PRH1: variants seen among roughly 807,000 people sequenced by gnomAD.
PRH1 encodes the protein proline rich protein HaeIII subfamily 1, also known as salivary acidic proline-rich phosphoprotein 1/2.
In PRH1, 7 loss-of-function variants were observed where a neutral mutation model predicts 7.9. The observed-to-expected ratio is 0.89, with a 90% CI of 0.50 to 1.67. The LOEUF (loss-of-function observed/expected upper bound fraction) is 1.67. Ranked by LOEUF, PRH1 falls within the 40% of genes most tolerant of loss-of-function variation. PRH1 has a pLI of 0.00. For missense variants in PRH1, 109 were observed against 223.6 expected (o/e 0.49, Z 3.27); for synonymous variants, 45 against 80.8 (o/e 0.56, Z 2.38).
At chr12:11,168,134 A>G (rs1239725457) in intron 1 of PRH1, among the ~76,000 whole-genome samples, 3 of 151,222 alleles carry the variant, frequency 2.0e-5, no homozygotes, top group Admixed American at 6.6e-5. Flanking sequence ...TTTAGCTCTG[A>G]GTATGTTCTG....
intron 2 of PRH1, among the ~76,000 whole-genome samples, chr12:10,920,754 A>G (rs1275816181): frequency 6.6e-6 from 1 of 152,100 alleles, no homozygotes; most frequent in Non-Finnish European, 1.5e-5. Context: ...GTCAAAGTGT[A>G]TTAGTTAAAT....
chr12:11,042,113 A>G (rs1026684573), intron 1 of PRH1, among the ~76,000 whole-genome samples: 1 of 152,120 alleles, frequency 6.6e-6, no homozygotes. Context: ...TAGAACACAA[A>G]TAATAAAAAT....
At chr12:11,047,342 T>C (rs939097513), upstream of PRH1, among the ~76,000 whole-genome samples, 2 of 152,124 alleles carry the variant, frequency 1.3e-5, no homozygotes, top group African/African-American at 4.8e-5. Context: ...TTTCATTCAA[T>C]TGTGATCCAT....
chr12:11,115,706 C>A (rs1945712929), intron 1 of PRH1, among the ~76,000 whole-genome samples: 1 of 151,974 alleles, frequency 6.6e-6, no homozygotes, highest in Non-Finnish European at 1.5e-5. Flanking sequence ...CAACTCTGAC[C>A]ACAATGGAAT....
intron 1 of PRH1, among the ~76,000 whole-genome samples, chr12:10,985,008 A>G (rs567983586): frequency 2.0e-4 from 30 of 152,046 alleles, no homozygotes; most frequent in Non-Finnish European, 3.7e-4. Flanking sequence ...TGTGAAGTTT[A>G]AAAAGAATTT....
intron 1 of PRH1, among the ~76,000 whole-genome samples, chr12:11,101,863 A>C (rs988509908): frequency 6.6e-6 from 1 of 152,194 alleles, no homozygotes; most frequent in East Asian, 1.9e-4. Flanking sequence ...ATACAAAATC[A>C]ATGTGCAAAA....
chr12:10,882,339 C>T lies in PRH1; in HGVS notation c.460G>A (p.Gly154Ser). 4.4e-6 allele frequency: 7 copies of T among 1,608,316 alleles called. No individual in the cohort carries two copies. Among genetic ancestry groups the T allele is most frequent in the South Asian group, 3.3e-5 (3 of 90,598 alleles). ...GRPQGPPQQGGHQQGPPPPPP... is the reference protein window; with the variant it reads ...GRPQGPPQQGSHQQGPPPPPP... ...GGTGGGGGAGGACCTTGCTGATGGC[C>T]TCCCTGTTGGGGTGGTCCTTGTGGC... The change falls in exon 3 of 4, where the codon GGC becomes AGC. Residue 154 changes from glycine to serine, a missense_variant. Gly to Ser is a moderately conservative substitution (Grantham distance 56, BLOSUM62 0). Transcript: ENST00000543626.
At chr12:11,014,104 G>A (rs758978428) in intron 1 of PRH1, among the ~76,000 whole-genome samples, 9 of 152,136 alleles carry the variant, frequency 5.9e-5, no homozygotes, top group Non-Finnish European at 1.2e-4. Context: ...GCCAACATGC[G>A]TGAATAAATA....
intron 1 of PRH1, among the ~76,000 whole-genome samples, chr12:11,038,008 C>T (rs1460740382): frequency 4.6e-5 from 7 of 152,190 alleles, no homozygotes; most frequent in African/African-American, 7.2e-5. Flanking sequence ...CGCTTGTGCA[C>T]TCCAGCCTGG....
intron 2 of PRH1, among the ~76,000 whole-genome samples, chr12:10,898,634 A>G (rs192099392): frequency 9.0e-4 from 137 of 152,306 alleles, no homozygotes; most frequent in Middle Eastern, 3.4e-3. Context: ...ATACAGATAT[A>G]AAATATAGTT....
intron 1 of PRH1, among the ~76,000 whole-genome samples, chr12:11,098,270 T>G (rs1007989955): frequency 1.3e-5 from 2 of 150,996 alleles, no homozygotes; most frequent in Non-Finnish European, 1.5e-5. Flanking sequence ...GTAAATCTGC[T>G]GGGTCATTCT....
intron 1 of PRH1, among the ~76,000 whole-genome samples, chr12:11,123,744 T>C (rs1174742429): frequency 1.4e-5 from 2 of 142,830 alleles, no homozygotes; most frequent in South Asian, 2.3e-4. Context: ...GCTTCATTCT[T>C]TGTAGCTATC....
At chr12:11,170,201 G>A (rs1012308060) in intron 1 of PRH1, among the ~76,000 whole-genome samples, 2 of 152,194 alleles carry the variant, frequency 1.3e-5, no homozygotes, top group Non-Finnish European at 2.9e-5. Context: ...AATAACAAAA[G>A]TATTGTGGCT....
chr12:11,114,757 CAG>C (rs1945684553), intron 1 of PRH1, among the ~76,000 whole-genome samples: 1 of 152,076 alleles, frequency 6.6e-6, no homozygotes, highest in Admixed American at 6.6e-5. Flanking sequence ...AGTTAAGGTG[CAG>C]AGTCTTCATT....
At chr12:11,028,577 T>C (rs2136092259) in intron 1 of PRH1, among the ~76,000 whole-genome samples, 1 of 152,378 alleles carries the variant, frequency 6.6e-6, no homozygotes, top group Middle Eastern at 3.4e-3. Flanking sequence ...GTAAAGTAGC[T>C]GGTTACTAAC....
At chr12:11,040,839 CTTGT>C (rs1194041345) in intron 1 of PRH1, among the ~76,000 whole-genome samples, 4 of 152,204 alleles carry the variant, frequency 2.6e-5, no homozygotes, top group Non-Finnish European at 5.9e-5. Flanking sequence ...TGTTTTTGTG[CTTGT>C]TTGTTTGCTT....
intron 1 of PRH1, among the ~76,000 whole-genome samples, chr12:11,160,812 T>C (rs530978665): frequency 6.6e-6 from 1 of 152,266 alleles, no homozygotes; most frequent in East Asian, 1.9e-4. Context: ...AGAAAAGAAC[T>C]AATATTCAAG....
intron 1 of PRH1, among the ~76,000 whole-genome samples, chr12:11,159,893 C>T (rs1296199219): frequency 6.6e-6 from 1 of 152,098 alleles, no homozygotes; most frequent in African/African-American, 2.4e-5. Context: ...CGGTACTAAA[C>T]CAAATTGTTA....
At chr12:11,167,083 T>G (rs1455204146) in intron 1 of PRH1, among the ~76,000 whole-genome samples, 1 of 152,256 alleles carries the variant, frequency 6.6e-6, no homozygotes, top group Admixed American at 6.5e-5. Context: ...AAAATCTCCA[T>G]GCCATATAAT....
Sources: allele counts gnomAD v4.1 joint callset (sites outside exome capture counted in the v4.1 genomes callset), GRCh38; gene constraint gnomAD v4.1.1; transcripts MANE v1.5; gene names NCBI Gene and HGNC (gene_info 2026-07-23, HGNC 2026-07-21).